PMPCB: variants seen among roughly 807,000 people sequenced by gnomAD.
PMPCB encodes the protein peptidase, mitochondrial processing subunit beta.
A neutral mutation model predicts 61.5 loss-of-function variants in PMPCB; 46 were observed. The observed-to-expected ratio is 0.75, with a 90% confidence interval of 0.59 to 0.96. The LOEUF (loss-of-function observed/expected upper bound fraction) is 0.96. Among genes scored for constraint, PMPCB ranks in the 40% least tolerant of loss-of-function variants. The pLI is 0.00. For missense variants in PMPCB, 590 were observed against 602.4 expected (o/e 0.98, Z 0.22); for synonymous variants, 191 against 201.6 (o/e 0.95, Z 0.44).
At chr7:103,344,734 G>C in the PMPCB span, 8 of 1,122,680 alleles carry the variant, frequency 7.1e-6, no homozygotes, top group Middle Eastern at 2.8e-4. Context: ...TTGGCTCTAA[G>C]ACGCCCAGGA....
intron 12 of PMPCB, chr7:103,326,726 C>T (rs760360392): frequency 1.9e-6 from 3 of 1,539,862 alleles, no homozygotes; most frequent in Non-Finnish European, 2.6e-6. Context: ...ATAACTTTAC[C>T]TATTTTTTCC....
chr7:103,316,558 T>C (rs1352895762), downstream of PMPCB: 1 of 395,578 alleles, frequency 2.5e-6, no homozygotes, highest in African/African-American at 2.1e-5. Context: ...GAACAAGCCA[T>C]GACAGAGTAA....
At chr7:103,315,168 CAT>C (rs919203966), downstream of PMPCB, among the ~76,000 whole-genome samples, 5 of 87,378 alleles carry the variant, frequency 5.7e-5, no homozygotes, top group South Asian at 6.1e-4. Context: ...CAAACCCTAA[CAT>C]TTTTTTTTTT....
intron 12 of PMPCB, chr7:103,323,584 AT>A: frequency 6.9e-7 from 1 of 1,451,258 alleles, no homozygotes; most frequent in Non-Finnish European, 9.2e-7. Flanking sequence ...ATTATTAATG[AT>A]TTGCATACAT....
chr7:103,344,849 G>C, the PMPCB span: 1 of 591,386 alleles, frequency 1.7e-6, no homozygotes, highest in South Asian at 2.0e-5. Flanking sequence ...CGGTAACCTA[G>C]TTCTATACTG....
At chr7:103,300,553 T>C (rs1257297238) in intron 4 of PMPCB, among the ~76,000 whole-genome samples, 1 of 152,240 alleles carries the variant, frequency 6.6e-6, no homozygotes, top group Non-Finnish European at 1.5e-5. Flanking sequence ...GAATAAAATA[T>C]TTTGTCAGGA....
chr7:103,314,269 A>T lies in PMPCB; in HGVS notation c.*1998A>T. The stretch of plus-strand genomic sequence containing the variant: ...TTTCCTGCTGTTCTCCAGTTACTTC[A>T]CAATACCAAAATAAATTAAACGTAC... On this transcript the variant is annotated 3_prime_UTR_variant, in exon 13 of 13. Transcript: ENST00000249269. 1.0e-6 allele frequency: 1 copy of T among 985,438 alleles called. No individual in the cohort carries two copies. Among genetic ancestry groups the T allele is most frequent in the Non-Finnish European group, 1.2e-6 (1 of 829,926 alleles). 61.0% of individuals were successfully genotyped at this position (985,438 alleles called of 1,614,324 possible).
chr7:103,299,882 C>T (rs528632942), intron 3 of PMPCB, among the ~76,000 whole-genome samples: 1 of 152,288 alleles, frequency 6.6e-6, no homozygotes, highest in Non-Finnish European at 1.5e-5. Context: ...CATCCTCCCA[C>T]ATTTACTTCT....
At chr7:103,320,472 A>G (rs945750370) in intron 12 of PMPCB, among the ~76,000 whole-genome samples, 18 of 152,004 alleles carry the variant, frequency 1.2e-4, no homozygotes, top group African/African-American at 4.4e-4. Flanking sequence ...TCTTACCATT[A>G]TCAAACCAAA....
chr7:103,320,925 C>T (rs1661420676), intron 12 of PMPCB: 1 of 154,062 alleles, frequency 6.5e-6, no homozygotes. Context: ...TGGCCAGGTG[C>T]AGTGGCTCAT....
chr7:103,316,894 A>T (rs78160812), downstream of PMPCB: 221 of 1,613,998 alleles, frequency 1.4e-4, no homozygotes, highest in Middle Eastern at 3.3e-4. Context: ...TCATCTTCTG[A>T]CCAATTTTTA....
At chr7:103,308,930 C>T (rs1817662582) in intron 7 of PMPCB, 22 bp from the exon 8 acceptor site, 2 of 1,530,028 alleles carry the variant, frequency 1.3e-6, no homozygotes, top group Non-Finnish European at 1.8e-6. Context: ...AACTAGAGGT[C>T]CTCCTGCTTT....
downstream of PMPCB, chr7:103,319,577 A>G (rs755839389): frequency 1.9e-6 from 3 of 1,603,922 alleles, no homozygotes; most frequent in South Asian, 1.1e-5. Flanking sequence ...TAAATGCTAC[A>G]TATAGGTAGG....
At chr7:103,341,206 GC>G in the PMPCB span, among the ~76,000 whole-genome samples, 1 of 152,082 alleles carries the variant, frequency 6.6e-6, no homozygotes, top group Non-Finnish European at 1.5e-5. Context: ...CCAGTCCCTT[GC>G]CCCCTTTCAA....
Position 103,304,391 on chromosome 7 carries a change from T to C in PMPCB, c.657-20T>C, listed in dbSNP as rs756701116. 2.2e-6 allele frequency: 3 copies of C among 1,390,770 alleles called. No individual in the cohort carries two copies. In the African/African-American group the frequency reaches 4.3e-5, roughly 20 times the overall value. 86.2% of individuals were successfully genotyped at this position (1,390,770 alleles called of 1,614,324 possible). A position where few individuals can be genotyped will look rare whatever the true frequency, so the allele number is the denominator to read the frequency against. On this transcript the variant is annotated intron_variant, in intron 5 of 12. Transcript: ENST00000249269. ...TTTTTTTTTTGGTTTCCTTTAAAAA[T>C]TGTTTTACTTCATTTACAGATCTAT...
chr7:103,315,980 A>G (rs912887493), downstream of PMPCB: 2 of 1,588,714 alleles, frequency 1.3e-6, no homozygotes, highest in African/African-American at 2.7e-5. Flanking sequence ...GGACTTCTCA[A>G]AACTCACCAA....
In PMPCB at chr7:103,301,745, G is replaced by C. The variant is rs149328548; in HGVS notation, c.457+1438G>C. Among the ~76,000 whole-genome samples, 570 of 152,120 alleles carry C rather than the reference G, an allele frequency of 3.7e-3. 4 individuals are homozygous for C. The highest frequency in any genetic ancestry group is 0.014 in the African/African-American group (561 of 41,500). On this transcript the variant is annotated intron_variant, in intron 4 of 12. Transcript: ENST00000249269. ...AGCCTGGTATATGAAGTAATAATTA[G>C]ATGTTTAGACTAATGGTCTCCAGGT...
chr7:103,297,597 C>T, intron 1 of PMPCB, 39 bp downstream of exon 1: 6 of 1,610,730 alleles, frequency 3.7e-6, no homozygotes, highest in Non-Finnish European at 5.1e-6. Context: ...CTCGAGATCT[C>T]GCCAGACCCG....
intron 4 of PMPCB, among the ~76,000 whole-genome samples, chr7:103,302,026 C>T (rs1022758513): frequency 6.6e-6 from 1 of 152,126 alleles, no homozygotes; most frequent in Non-Finnish European, 1.5e-5. Flanking sequence ...GTTCAATTCC[C>T]ACCTATAAGT....
Sources: allele counts gnomAD v4.1 joint callset (sites outside exome capture counted in the v4.1 genomes callset), GRCh38; gene constraint gnomAD v4.1.1; transcripts MANE v1.5; gene names NCBI Gene and HGNC (gene_info 2026-07-23, HGNC 2026-07-21).